Variants in KLF5 observed in about 807,000 individuals in gnomAD.
KLF5 encodes KLF transcription factor 5, also known as Krueppel-like factor 5.
KLF5 carries 9 observed loss-of-function variants against 36.9 expected under a neutral mutation model. The observed-to-expected ratio is 0.24, with a 90% CI of 0.15 to 0.43. The LOEUF (loss-of-function observed/expected upper bound fraction) is 0.43. Among genes scored for constraint, KLF5 ranks in the 20% least tolerant of loss-of-function variants. The probability of loss-of-function intolerance (pLI) is 1.00; values close to 1 mark genes in which losing one functional copy is unlikely to be tolerated. For synonymous variants in KLF5, 246 were observed against 241.7 expected (o/e 1.02, Z -0.17); for missense variants, 524 against 599.5 (o/e 0.87, Z 1.31).
In KLF5 at chr13:73,062,137, C is replaced by G. The variant is rs2044641041; in HGVS notation, c.538C>G (p.Pro180Ala). 1.9e-6 allele frequency: 3 copies of G among 1,614,038 alleles called. No homozygotes were observed. Among genetic ancestry groups the G allele is most frequent in the Non-Finnish European group, 2.5e-6 (3 of 1,180,034 alleles). The part of the protein sequence containing the change: ...SHQSETTAPP[P>A]APTQALPEFT... ...CCAGAGTGAAACGACTGCCCCTCCT[C>G]CGGCCCCGACCCAGGCCCTCCCTGA... is the stretch of plus-strand genomic sequence containing the variant. Residue 180 changes from proline (P) to alanine (A), a missense_variant, in exon 2 of 4, where the codon CCG becomes GCG. Coordinates refer to ENST00000377687, the MANE Select transcript of KLF5 (RefSeq NM_001730.5).
At chr13:73,063,983 CTTTGTTTTT>C in intron 3 of KLF5, 100 bp downstream of exon 3, 1 of 351,434 alleles carries the variant, frequency 2.8e-6, no homozygotes, top group South Asian at 5.8e-5. Context: ...CTCCTGTCAA[CTTTGTTTTT>C]TTTTTTTTTT....
At chr13:73,065,698 A>G (rs535985055) in intron 3 of KLF5, among the ~76,000 whole-genome samples, 1 of 152,386 alleles carries the variant, frequency 6.6e-6, no homozygotes, top group African/African-American at 2.4e-5. Context: ...AAATGGAAAT[A>G]TAAAGACATT....
At chr13:73,056,152 G>T (rs1263614780), upstream of KLF5, among the ~76,000 whole-genome samples, 1 of 151,830 alleles carries the variant, frequency 6.6e-6, no homozygotes, top group Admixed American at 6.6e-5. Context: ...TTCCCGTAAA[G>T]ATAGTGACAC....
chr13:73,068,386 G>T (rs1207228351), intron 3 of KLF5, among the ~76,000 whole-genome samples: 1 of 152,064 alleles, frequency 6.6e-6, no homozygotes, highest in African/African-American at 2.4e-5. Flanking sequence ...TTCAGTTTGG[G>T]TACTAAAAGA....
chr13:73,065,741 T>G (rs2044673930), intron 3 of KLF5, among the ~76,000 whole-genome samples: 1 of 152,186 alleles, frequency 6.6e-6, no homozygotes, highest in Non-Finnish European at 1.5e-5. Flanking sequence ...TTGGAAGTCC[T>G]TGAGAGATAG....
rs1366437608 is a variant in KLF5 at position 73,076,623 on chromosome 13, A to G, written c.*737A>G. On this transcript the variant is annotated 3_prime_UTR_variant, in exon 4 of 4. Coordinates refer to ENST00000377687, the MANE Select transcript of KLF5 (RefSeq NM_001730.5). ...AATAATCATTCAAATGAACTTTAAA[A>G]AAGCAAATTTCATGCACTGATTAAA... is the stretch of plus-strand genomic sequence containing the variant. The G allele has an allele frequency of 6.6e-6, 1 of 152,344 alleles. No homozygotes were observed. Among genetic ancestry groups the G allele is most frequent in the Non-Finnish European group, 1.5e-5 (1 of 68,038 alleles). The allele number at this position is 152,344 out of a possible 1,614,324, so 9.4% of individuals were successfully genotyped here.
At chr13:73,061,736 C>T in intron 1 of KLF5, 125 bp from the exon 2 acceptor site, 2 of 789,422 alleles carry the variant, frequency 2.5e-6, no homozygotes, top group South Asian at 1.7e-5. Context: ...TTATAAGCAA[C>T]ACTGAGGAGT....
rs756486804 is a variant in KLF5 at position 73,062,397 on chromosome 13, C to T, written c.798C>T (p.His266=). Residue 266 remains histidine (H), a synonymous_variant, in exon 2 of 4, where the codon CAC becomes CAT. Coordinates refer to ENST00000377687, the MANE Select transcript of KLF5 (RefSeq NM_001730.5). ...MSAAMAGLNT[H]TSAVPQTAVK... is the part of the protein sequence containing the mutation. ...CTGCCATGGCAGGCCTTAACACACA[C>T]ACCTCTGCTGTTCCGCAGACTGCAG... The T allele has an allele frequency of 2.5e-6, 4 of 1,614,194 alleles. No individual in the cohort carries two copies. The highest frequency in any genetic ancestry group is 2.2e-5 in the South Asian group (2 of 91,086).
At chr13:73,074,114 A>G (rs2044741812) in intron 3 of KLF5, among the ~76,000 whole-genome samples, 1 of 152,166 alleles carries the variant, frequency 6.6e-6, no homozygotes, top group Admixed American at 6.5e-5. Flanking sequence ...TCAAGGGAAA[A>G]AAAATTGGGA....
chr13:73,060,731 T>C (rs978504524), intron 1 of KLF5: 2 of 152,242 alleles, frequency 1.3e-5, no homozygotes, highest in African/African-American at 4.8e-5. Context: ...CCTGTTAAGG[T>C]GCCACAGCTA....
intron 2 of KLF5, among the ~76,000 whole-genome samples, chr13:73,063,319 G>C (rs9592879): frequency 0.25 from 38,550 of 152,040 alleles, 5,946 homozygotes; most frequent in Non-Finnish European, 0.33. Context: ...ATAAGTTGAA[G>C]ACAATACATG....
At chr13:73,061,418 TAAA>T in intron 1 of KLF5, among the ~76,000 whole-genome samples, 1 of 152,180 alleles carries the variant, frequency 6.6e-6, no homozygotes, top group South Asian at 2.1e-4. Context: ...TTTTTTCTAT[TAAA>T]AAAAACCACG....
rs67730943 is a variant in KLF5, at chr13:73,063,983, C to CTTT, written c.1195+101_1195+103dup. 906 of 349,584 alleles carry CTTT rather than the reference C, an allele frequency of 2.6e-3. 10 individuals are homozygous for CTTT. Among genetic ancestry groups the CTTT allele is most frequent in the Middle Eastern group, 4.3e-3 (6 of 1,394 alleles). The allele number at this position is 349,584 out of a possible 1,614,324, so 21.7% of individuals were successfully genotyped here. ...CGTGTTTGATCTCTTCTCCTGTCAA[C>CTTT]TTTGTTTTTTTTTTTTTTTTTAAAT... On this transcript the variant is annotated intron_variant, in intron 3 of 3. Coordinates refer to ENST00000377687, the MANE Select transcript of KLF5 (RefSeq NM_001730.5).
At chr13:73,059,794 G>T in intron 1 of KLF5, 2 of 703,716 alleles carry the variant, frequency 2.8e-6, no homozygotes, top group Non-Finnish European at 3.5e-6. Flanking sequence ...GGCCGGGGGT[G>T]GGAAGGATGG....
In KLF5 at chr13:73,075,718, A is replaced by G; in HGVS notation, c.1206A>G (p.Pro402=). ...AHLRTHTGEK[P]YKCTWEGCDW... ...TGTTCGTTGTCACAGGTGAAAAGCC[A>G]TACAAGTGTACCTGGGAAGGCTGCG... The change falls in exon 4 of 4, where the codon CCA becomes CCG. Residue 402 remains proline, a synonymous_variant. Coordinates refer to ENST00000377687, the MANE Select transcript of KLF5 (RefSeq NM_001730.5). 1 of 1,602,736 alleles carries G rather than the reference A, an allele frequency of 6.2e-7. No homozygotes were observed. The highest frequency in any genetic ancestry group is 8.5e-7 in the Non-Finnish European group (1 of 1,171,100).
At chr13:73,058,448 G>C (rs2044597662), upstream of KLF5, among the ~76,000 whole-genome samples, 2 of 152,332 alleles carry the variant, frequency 1.3e-5, no homozygotes, top group African/African-American at 4.8e-5. Flanking sequence ...ACAGGGACAA[G>C]AGCTGTTTTA....
At position 73,063,170 on chromosome 13, in the gene KLF5, T is replaced by C. The variant is rs901989294; in HGVS notation, c.1135+436T>C. 7.2e-5 allele frequency among the ~76,000 whole-genome samples: 11 copies of C among 152,124 alleles called. No homozygotes were observed. In the East Asian group the frequency reaches 1.4e-3, roughly 19 times the overall value. ...GAGATTAAAGTAGGGTGGGGGAAAA[T>C]AAGGTTTGGTGGTGAAGTGGAGGTT... On this transcript the variant is annotated intron_variant, in intron 2 of 3. Transcript: ENST00000377687.
intron 3 of KLF5, among the ~76,000 whole-genome samples, chr13:73,072,493 C>CA (rs1377012887): frequency 6.6e-6 from 1 of 152,176 alleles, no homozygotes; most frequent in Non-Finnish European, 1.5e-5. Context: ...CTGACCTTCG[C>CA]AAGTGGCTTT....
rs1263221503 is a variant in KLF5, at chr13:73,059,509, A to AGCCCGC, written c.191_196dup (p.Pro64_Ala65dup). On this transcript the variant is annotated inframe_insertion, in exon 1 of 4. Transcript: ENST00000377687. The stretch of plus-strand genomic sequence containing the variant: ...CACGCGCACCACCGCCCGCAGGCGC[A>AGCCCGC]GCCCGCGCCCGCGCAGGCCCCGCAG... 6 of 1,211,994 alleles carry AGCCCGC rather than the reference A, an allele frequency of 5.0e-6. No homozygotes were observed. Among genetic ancestry groups the AGCCCGC allele is most frequent in the East Asian group, 3.5e-5 (1 of 28,618 alleles). 75.1% of individuals were successfully genotyped at this position (1,211,994 alleles called of 1,614,324 possible).
Sources: allele counts gnomAD v4.1 joint callset (sites outside exome capture counted in the v4.1 genomes callset), GRCh38; gene constraint gnomAD v4.1.1; transcripts MANE v1.5; gene names NCBI Gene and HGNC (gene_info 2026-07-23, HGNC 2026-07-21).